The following C2orf66 variants were observed in gnomAD, a reference collection of about 807,000 sequenced individuals.
C2orf66 encodes the protein chromosome 2 open reading frame 66.
C2orf66 carries 6 observed loss-of-function variants against 7.0 expected under a neutral mutation model. The ratio of observed to expected loss-of-function variants is 0.86; its 90% confidence interval spans 0.47 to 1.69. The LOEUF is 1.69. Among genes scored for constraint, C2orf66 ranks in the 40% most tolerant of loss-of-function variants. The pLI is 0.01. For missense variants in C2orf66, 107 were observed against 112.0 expected (o/e 0.96, Z 0.20); for synonymous variants, 38 against 43.8 (o/e 0.87, Z 0.52).
At chr2:196,807,713 G>T in intron 1 of C2orf66, 91 bp from the exon 2 acceptor site, 1 of 1,060,580 alleles carries the variant, frequency 9.4e-7, no homozygotes, top group Non-Finnish European at 1.4e-6. Context: ...CCCCTGAATT[G>T]ACTTTAAGGC....
At chr2:196,812,296 A>G (rs1259240693), upstream of C2orf66, among the ~76,000 whole-genome samples, 1 of 152,226 alleles carries the variant, frequency 6.6e-6, no homozygotes, top group Non-Finnish European at 1.5e-5. Flanking sequence ...AATATATGTA[A>G]TCCATCACAT....
Position 196,809,353 on chromosome 2 carries a change from G to A in C2orf66, c.-17C>T. 2 of 1,613,346 alleles carry A rather than the reference G, an allele frequency of 1.2e-6. No homozygotes were observed. The highest frequency in any genetic ancestry group is 1.7e-6 in the Non-Finnish European group (2 of 1,179,474). On this transcript the variant is annotated 5_prime_UTR_variant, in exon 1 of 3. Transcript: ENST00000342506. Reference sequence around the variant, plus strand: ...TCTGGTCATGGTGGAGTGAAGCTGAGTGAAAGAGGGGATGCGGGAGCTGTC... The same window carrying A: ...TCTGGTCATGGTGGAGTGAAGCTGAATGAAAGAGGGGATGCGGGAGCTGTC...
chr2:196,809,147 G>T, intron 1 of C2orf66, 67 bp downstream of exon 1: 4 of 1,460,008 alleles, frequency 2.7e-6, no homozygotes, highest in Non-Finnish European at 3.7e-6. Flanking sequence ...AAAACAGAAT[G>T]CTGTGTGCGT....
At chr2:196,827,418 A>T in the C2orf66 span, among the ~76,000 whole-genome samples, 1 of 152,026 alleles carries the variant, frequency 6.6e-6, no homozygotes, top group African/African-American at 2.4e-5. Flanking sequence ...CTTAACATAA[A>T]TTCTTTTTTT....
chr2:196,814,472 G>C, the C2orf66 span, among the ~76,000 whole-genome samples: 1 of 152,082 alleles, frequency 6.6e-6, no homozygotes, highest in East Asian at 1.9e-4. Context: ...ACCTAATGTA[G>C]ATGACGAGTT....
At chr2:196,809,356 A>AC (rs1699849729), upstream of C2orf66, 1 of 1,613,076 alleles carries the variant, frequency 6.2e-7, no homozygotes, top group African/African-American at 1.3e-5. Flanking sequence ...AAGCTGAGTG[A>AC]AAGAGGGGAT....
the C2orf66 span, among the ~76,000 whole-genome samples, chr2:196,820,327 G>C: frequency 6.6e-6 from 1 of 152,150 alleles, no homozygotes; most frequent in East Asian, 1.9e-4. Flanking sequence ...AGCTATTTAA[G>C]AGCCTAAAGG....
chr2:196,815,725 G>A, the C2orf66 span, among the ~76,000 whole-genome samples: 1 of 152,132 alleles, frequency 6.6e-6, no homozygotes, highest in Non-Finnish European at 1.5e-5. Flanking sequence ...GGCTAATTGT[G>A]GGGAAATCAT....
At chr2:196,826,217 T>C in the C2orf66 span, among the ~76,000 whole-genome samples, 29 of 152,182 alleles carry the variant, frequency 1.9e-4, 1 homozygote, top group Non-Finnish European at 3.2e-4. Context: ...ATTTGAAAAA[T>C]CAATGACATC....
chr2:196,828,226 T>TCA, the C2orf66 span, among the ~76,000 whole-genome samples: 9 of 132,766 alleles, frequency 6.8e-5, no homozygotes, highest in East Asian at 1.6e-3. Context: ...TCTCTCTCTC[T>TCA]CTCTCACACA....
upstream of C2orf66, among the ~76,000 whole-genome samples, chr2:196,813,067 C>A (rs1219609115): frequency 6.6e-6 from 1 of 152,008 alleles, no homozygotes; most frequent in Non-Finnish European, 1.5e-5. Context: ...CTTCACAGAA[C>A]TGGAAACAAC....
chr2:196,827,804 A>C, the C2orf66 span, among the ~76,000 whole-genome samples: 2 of 152,220 alleles, frequency 1.3e-5, no homozygotes, highest in Non-Finnish European at 2.9e-5. Context: ...AGCATGTGTT[A>C]ATATGAACAT....
chr2:196,809,100 CT>C, intron 1 of C2orf66, 113 bp downstream of exon 1: 1 of 1,164,014 alleles, frequency 8.6e-7, no homozygotes, highest in South Asian at 1.8e-5. Context: ...GGAGAATTTT[CT>C]CAACCCTTGG....
the C2orf66 span, among the ~76,000 whole-genome samples, chr2:196,830,093 C>T: frequency 1.3e-5 from 2 of 152,152 alleles, no homozygotes; most frequent in Non-Finnish European, 2.9e-5. Flanking sequence ...AAAATCGGAA[C>T]CTGTACTAAA....
the C2orf66 span, among the ~76,000 whole-genome samples, chr2:196,820,755 T>G: frequency 6.6e-6 from 1 of 152,194 alleles, no homozygotes; most frequent in Admixed American, 6.5e-5. Flanking sequence ...GATCCTGGGT[T>G]GCAGCAAAGC....
At chr2:196,813,358 G>T (rs1318558198), upstream of C2orf66, among the ~76,000 whole-genome samples, 2 of 152,152 alleles carry the variant, frequency 1.3e-5, no homozygotes, top group East Asian at 3.8e-4. Context: ...ACGGTGCTGG[G>T]AAAACTGGCT....
the C2orf66 span, among the ~76,000 whole-genome samples, chr2:196,820,808 G>T: frequency 6.6e-6 from 1 of 152,194 alleles, no homozygotes; most frequent in Non-Finnish European, 1.5e-5. Context: ...TGAGAATTTG[G>T]GCTTCCTAAG....
At position 196,805,284 on chromosome 2, in the gene C2orf66, A is replaced by C. The variant is rs1699808072; in HGVS notation, c.*144T>G. ...TTATATGTAAATATGGAAATGTGGA[A>C]TAAAATCATTACAAACTGAAAAATA... On this transcript the variant is annotated 3_prime_UTR_variant, in exon 3 of 3. Coordinates refer to ENST00000342506, the MANE Select transcript of C2orf66 (RefSeq NM_213608.3). 1 of 152,206 alleles carries C rather than the reference A, an allele frequency of 6.6e-6. No homozygotes were observed. Among genetic ancestry groups the C allele is most frequent in the African/African-American group, 2.4e-5 (1 of 41,466 alleles). The allele number at this position is 152,206 out of a possible 1,614,324, so 9.4% of individuals were successfully genotyped here. A position where few individuals can be genotyped will look rare whatever the true frequency, so the allele number is the denominator to read the frequency against.
At chr2:196,828,226 TCTCTCA>T in the C2orf66 span, among the ~76,000 whole-genome samples, 13 of 132,768 alleles carry the variant, frequency 9.8e-5, no homozygotes, top group Admixed American at 3.0e-4. Context: ...TCTCTCTCTC[TCTCTCA>T]CACACACACA....
Sources: gnomAD v4.1 joint callset for allele counts (sites outside exome capture counted in the v4.1 genomes callset) on GRCh38, gnomAD v4.1.1 for gene constraint, MANE v1.5 for transcripts, NCBI Gene and HGNC (gene_info 2026-07-23, HGNC 2026-07-21) for gene names.